The following AGMO variants were observed in gnomAD, a reference collection of about 807,000 sequenced individuals.
The protein encoded by AGMO is alkylglycerol monooxygenase.
In AGMO, 75 loss-of-function variants were observed where a neutral mutation model predicts 60.2. The ratio of observed to expected loss-of-function variants is 1.25; its 90% CI spans 1.03 to 1.51. AGMO has a LOEUF of 1.51. AGMO is among the 40% of genes most tolerant of loss of function. The pLI is 0.00. For synonymous variants in AGMO, 261 were observed against 177.1 expected (o/e 1.47, Z -3.76); for missense variants, 763 against 525.5 (o/e 1.45, Z -4.42).
At chr7:15,232,616 T>G (rs1002695170) in intron 12 of AGMO, among the ~76,000 whole-genome samples, 7 of 152,142 alleles carry the variant, frequency 4.6e-5, no homozygotes, top group African/African-American at 1.7e-4. Flanking sequence ...GGAATGTCTA[T>G]GCTAAAATTT....
At chr7:15,478,615 G>A (rs956200942) in intron 3 of AGMO, among the ~76,000 whole-genome samples, 4 of 152,086 alleles carry the variant, frequency 2.6e-5, no homozygotes, top group Non-Finnish European at 4.4e-5. Flanking sequence ...AAAATCCTGT[G>A]GAATTTGCTG....
rs1781530135 is a variant in AGMO at position 15,332,534 on chromosome 7, C to CAACAT, written c.1263+32975_1263+32979dup. ...ACCTAATGTTTCCCCATCACTTGCC[C>CAACAT]AACATGGCTACAGCTTCTGACCCAT... On this transcript the variant is annotated intron_variant, in intron 12 of 12. Transcript: ENST00000342526. 5.9e-5 allele frequency among the ~76,000 whole-genome samples: 9 copies of CAACAT among 152,210 alleles called. No individual in the cohort carries two copies. In the South Asian group the frequency reaches 1.7e-3, roughly 28 times the overall value.
intron 5 of AGMO, among the ~76,000 whole-genome samples, chr7:15,417,105 G>C (rs1315988356): frequency 1.3e-5 from 2 of 152,136 alleles, no homozygotes; most frequent in African/African-American, 4.8e-5. Flanking sequence ...AAAATTCCAA[G>C]ATCCAAACCA....
chr7:15,290,053 CAG>C lies in AGMO; in HGVS notation c.1263+75459_1263+75460del, dbSNP rs1210422274. On this transcript the variant is annotated intron_variant, in intron 12 of 12. Coordinates refer to ENST00000342526, the MANE Select transcript of AGMO (RefSeq NM_001004320.2). ...GTTGATTTTTTTTTTTTTTTTGAGA[CAG>C]AGTTTCACCCCGTTGCCAGGCTGGA... Among the ~76,000 whole-genome samples, 46 of 125,392 alleles carry C rather than the reference CAG, an allele frequency of 3.7e-4. 2 individuals are homozygous for C. The Admixed American group carries it at 4.2e-3, about 11-fold the overall frequency. The allele number at this position is 125,392 out of a possible 152,430, so 82.3% of individuals were successfully genotyped here. A position where few individuals can be genotyped will look rare whatever the true frequency, so the allele number is the denominator to read the frequency against.
intron 12 of AGMO, among the ~76,000 whole-genome samples, chr7:15,244,922 G>A: frequency 6.6e-6 from 1 of 152,158 alleles, no homozygotes; most frequent in East Asian, 1.9e-4. Context: ...AAAGTGTTGG[G>A]ATTACAGGCG....
intron 3 of AGMO, among the ~76,000 whole-genome samples, chr7:15,517,370 C>T (rs896988719): frequency 2.7e-5 from 4 of 150,816 alleles, no homozygotes; most frequent in African/African-American, 4.9e-5. Context: ...CCCAGATTCC[C>T]GAGCAAGATG....
intron 3 of AGMO, among the ~76,000 whole-genome samples, chr7:15,471,392 A>T (rs1433626002): frequency 6.6e-6 from 1 of 151,916 alleles, no homozygotes; most frequent in Non-Finnish European, 1.5e-5. Flanking sequence ...TCTACACAGG[A>T]CCTCTTATAA....
At chr7:15,202,843 G>A (rs1176752723) in intron 12 of AGMO, among the ~76,000 whole-genome samples, 1 of 152,044 alleles carries the variant, frequency 6.6e-6, no homozygotes, top group Admixed American at 6.6e-5. Context: ...ATACTGCGCT[G>A]GGGGGAGTAT....
intron 12 of AGMO, among the ~76,000 whole-genome samples, chr7:15,215,115 C>A (rs1308530917): frequency 6.6e-6 from 1 of 152,010 alleles, no homozygotes; most frequent in Non-Finnish European, 1.5e-5. Context: ...CTAGCATTTT[C>A]TTTCCCCAGT....
chr7:15,462,994 A>G (rs1301015465), intron 3 of AGMO, among the ~76,000 whole-genome samples: 1 of 152,136 alleles, frequency 6.6e-6, no homozygotes. Context: ...TTCACTGTAA[A>G]ATGTGAATCA....
chr7:15,394,426 T>C (rs1274695153), intron 5 of AGMO, among the ~76,000 whole-genome samples: 1 of 152,142 alleles, frequency 6.6e-6, no homozygotes, highest in Non-Finnish European at 1.5e-5. Flanking sequence ...CGACTTTCAG[T>C]TCAGCTCCAG....
chr7:15,308,109 A>C (rs569577766), intron 12 of AGMO, among the ~76,000 whole-genome samples: 21 of 152,166 alleles, frequency 1.4e-4, no homozygotes, highest in Admixed American at 1.3e-3. Flanking sequence ...AAACATTTCC[A>C]AAAGAGCAAA....
intron 5 of AGMO, among the ~76,000 whole-genome samples, chr7:15,407,654 A>C (rs570573136): frequency 6.6e-6 from 1 of 151,998 alleles, no homozygotes; most frequent in Non-Finnish European, 1.5e-5. Flanking sequence ...CTCTAGCAAT[A>C]ATTATCAACA....
downstream of AGMO, among the ~76,000 whole-genome samples, chr7:15,196,956 G>C (rs1781132715): frequency 6.6e-6 from 1 of 152,074 alleles, no homozygotes; most frequent in Non-Finnish European, 1.5e-5. Context: ...ATTGTGTCTT[G>C]GGGAGGAAGG....
At chr7:15,315,852 T>C (rs1252420008) in intron 12 of AGMO, among the ~76,000 whole-genome samples, 2 of 152,142 alleles carry the variant, frequency 1.3e-5, no homozygotes, top group Non-Finnish European at 2.9e-5. Context: ...TTGCACCATT[T>C]TCTATAAATT....
At chr7:15,495,652 G>A (rs990886998) in intron 3 of AGMO, among the ~76,000 whole-genome samples, 5 of 152,106 alleles carry the variant, frequency 3.3e-5, no homozygotes, top group Non-Finnish European at 7.4e-5. Flanking sequence ...AAACTGGGTG[G>A]TTTAAACAAG....
At chr7:15,135,658 C>T in the AGMO span, among the ~76,000 whole-genome samples, 1 of 151,946 alleles carries the variant, frequency 6.6e-6, no homozygotes, top group Non-Finnish European at 1.5e-5. Flanking sequence ...ATACCAAAGT[C>T]CTATTCCTCA....
intron 9 of AGMO, among the ~76,000 whole-genome samples, chr7:15,386,880 A>G (rs1783936390): frequency 6.6e-6 from 1 of 152,080 alleles, no homozygotes; most frequent in African/African-American, 2.4e-5. Flanking sequence ...GATCTTTTTT[A>G]TTTTTGGTTT....
intron 12 of AGMO, among the ~76,000 whole-genome samples, chr7:15,248,917 G>T (rs982012458): frequency 2.6e-5 from 4 of 152,124 alleles, no homozygotes; most frequent in African/African-American, 9.7e-5. Flanking sequence ...TGATTTCTTT[G>T]TAAGACTCTA....
Sources: allele counts gnomAD v4.1 joint callset (sites outside exome capture counted in the v4.1 genomes callset), GRCh38; gene constraint gnomAD v4.1.1; transcripts MANE v1.5; gene names NCBI Gene and HGNC (gene_info 2026-07-23, HGNC 2026-07-21).